The following ORC5 variants were observed in gnomAD, a reference collection of about 807,000 sequenced individuals.
ORC5 encodes origin recognition complex subunit 5.
A neutral mutation model predicts 58.8 loss-of-function variants in ORC5; 39 were observed. That is an observed-to-expected ratio of 0.66 (90% CI 0.51 to 0.87). ORC5 has a LOEUF of 0.87. Ranked by LOEUF, ORC5 falls within the 40% of genes least tolerant of loss-of-function variation. ORC5 has a pLI of 0.00. For missense variants in ORC5, 493 were observed against 506.3 expected, an observed-to-expected ratio of 0.97 and a Z score of 0.25; for synonymous variants, 218 against 177.6, an observed-to-expected ratio of 1.23 and a Z score of -1.81.
chr7:104,206,579 G>A (rs1038281845), intron 1 of ORC5, among the ~76,000 whole-genome samples: 4 of 152,154 alleles, frequency 2.6e-5, no homozygotes, highest in African/African-American at 9.7e-5. Context: ...ATTAATTGAA[G>A]ATGCAGTTGT....
rs908120821 is a variant in ORC5 at position 104,138,286 on chromosome 7, G to A, written c.1150-1393C>T. ...TGTTTCATTACTCAGACACATGACCGCTAAACCTTTAAAAGCTGCAAATAA... is the reference window on the plus strand; with the variant it reads ...TGTTTCATTACTCAGACACATGACCACTAAACCTTTAAAAGCTGCAAATAA... On this transcript the variant is annotated intron_variant, in intron 12 of 13. Coordinates refer to ENST00000297431, the MANE Select transcript of ORC5 (RefSeq NM_002553.4). This position sits in a 1 kb window ranked among gnomAD's most constrained non-coding sequence, Gnocchi z 4.7. 1.3e-5 allele frequency among the ~76,000 whole-genome samples: 2 copies of A among 152,200 alleles called. No individual in the cohort carries two copies. Among genetic ancestry groups the A allele is most frequent in the Non-Finnish European group, 2.9e-5 (2 of 68,012 alleles).
chr7:104,181,007 A>C (rs1438876847), intron 8 of ORC5, among the ~76,000 whole-genome samples: 1 of 152,228 alleles, frequency 6.6e-6, no homozygotes, highest in Non-Finnish European at 1.5e-5. Flanking sequence ...AAGTACTCTT[A>C]AATACAAGTT....
intron 12 of ORC5, among the ~76,000 whole-genome samples, chr7:104,144,149 G>C (rs1798718174): frequency 6.6e-6 from 1 of 151,856 alleles, no homozygotes; most frequent in Admixed American, 6.6e-5. Context: ...AAAAAGGAGT[G>C]AACAAATGTA....
rs569423567 is a variant in ORC5 at position 104,133,802 on chromosome 7, A to T, written c.1262+2979T>A. ...AAAAACAACCAAAGAATAAAGAGGA[A>T]AACCAGAATACTGTGGAATCATGTC... On this transcript the variant is annotated intron_variant, in intron 13 of 13. Coordinates refer to ENST00000297431, the MANE Select transcript of ORC5 (RefSeq NM_002553.4). The surrounding 1 kb of genome is among the most constrained non-coding windows in gnomAD (Gnocchi z 4.7). Among the ~76,000 whole-genome samples, 8 of 152,264 alleles carry T rather than the reference A, an allele frequency of 5.3e-5. No individual in the cohort carries two copies. The East Asian group carries it at 1.5e-3, about 29-fold the overall frequency.
At chr7:104,144,713 T>C (rs1168445238) in intron 12 of ORC5, among the ~76,000 whole-genome samples, 1 of 152,220 alleles carries the variant, frequency 6.6e-6, no homozygotes, top group Admixed American at 6.5e-5. Context: ...GCTGAGATCG[T>C]GCCACTGTAC....
At chr7:104,151,777 A>G (rs556992100) in intron 12 of ORC5, among the ~76,000 whole-genome samples, 15 of 152,216 alleles carry the variant, frequency 9.9e-5, no homozygotes, top group Non-Finnish European at 1.9e-4. Flanking sequence ...CAACATACAC[A>G]GAGCACTAGC....
Position 104,207,833 on chromosome 7 carries a change from C to G in ORC5, c.72G>C (p.Glu24Asp). ...QVSILQSLFG[E>D]RHHFSFPSIF... is the part of the protein sequence containing the mutation. The stretch of plus-strand genomic sequence containing the variant: ...CTGGAAGACAGTTTAACTACAATAC[C>G]TCTCCAAACAAGGACTGCAAGATGG... Residue 24 changes from glutamate (E) to aspartate (D), a missense_variant and splice_region_variant, in exon 1 of 14, where the codon GAG (glutamate) becomes GAC (aspartate). By Grantham distance (45) the Glu-to-Asp change is conservative. This residue lies in a region of ORC5 where 412 missense variants were observed against 403.7 expected (regional missense o/e 1.02). Transcript: ENST00000297431. 1.2e-6 allele frequency: 2 copies of G among 1,613,572 alleles called. No homozygotes were observed. Among genetic ancestry groups the G allele is most frequent in the Non-Finnish European group, 1.7e-6 (2 of 1,179,474 alleles).
At chr7:104,167,350 C>T (rs1273395302) in intron 9 of ORC5, among the ~76,000 whole-genome samples, 1 of 152,124 alleles carries the variant, frequency 6.6e-6, no homozygotes, top group Non-Finnish European at 1.5e-5. Flanking sequence ...TTGTATATGC[C>T]AGTTGAACAT....
intron 8 of ORC5, among the ~76,000 whole-genome samples, chr7:104,171,386 A>G (rs1475131404): frequency 6.6e-6 from 1 of 152,208 alleles, no homozygotes; most frequent in Non-Finnish European, 1.5e-5. Flanking sequence ...TGCAGGGGTA[A>G]GGTTGCGGAA....
chr7:104,207,844 A>C lies in ORC5; in HGVS notation c.61T>G (p.Leu21Val). The C allele has an allele frequency of 6.2e-7, 1 of 1,614,106 alleles. No individual in the cohort carries two copies. Among genetic ancestry groups the C allele is most frequent in the Non-Finnish European group, 8.5e-7 (1 of 1,179,942 alleles). Reference sequence around the variant, plus strand: ...TTTAACTACAATACCTCTCCAAACAAGGACTGCAAGATGGACACTTGAGAC... The same window carrying C: ...TTTAACTACAATACCTCTCCAAACACGGACTGCAAGATGGACACTTGAGAC... ...RESQVSILQS[L>V]FGERHHFSFP... is the part of the protein sequence containing the mutation. Residue 21 changes from leucine (L) to valine (V), a missense_variant, in exon 1 of 14, where the codon TTG becomes GTG. Coordinates refer to ENST00000297431, the MANE Select transcript of ORC5 (RefSeq NM_002553.4).
intron 12 of ORC5, among the ~76,000 whole-genome samples, chr7:104,154,672 G>A (rs1437703125): frequency 1.3e-5 from 2 of 151,650 alleles, no homozygotes; most frequent in Non-Finnish European, 3.0e-5. Context: ...AGCAGAGAAA[G>A]ATAAATTTAA....
chr7:104,128,180 T>C (rs1255438563), intron 13 of ORC5, among the ~76,000 whole-genome samples: 3 of 152,182 alleles, frequency 2.0e-5, no homozygotes, highest in Admixed American at 6.5e-5. Flanking sequence ...TGGAGTGCAA[T>C]AGCATGATCT....
At chr7:104,131,577 C>G (rs1284409287) in intron 13 of ORC5, among the ~76,000 whole-genome samples, 1 of 152,194 alleles carries the variant, frequency 6.6e-6, no homozygotes, top group Non-Finnish European at 1.5e-5. Flanking sequence ...CTTGGCCAGA[C>G]ACAGTGGCTG....
chr7:104,153,727 A>T (rs1798880734), intron 12 of ORC5, among the ~76,000 whole-genome samples: 1 of 152,162 alleles, frequency 6.6e-6, no homozygotes, highest in Non-Finnish European at 1.5e-5. Flanking sequence ...CCTTTTAGTC[A>T]CCAAGTTTAA....
chr7:104,158,483 A>T (rs891579140), intron 12 of ORC5, among the ~76,000 whole-genome samples: 2 of 151,904 alleles, frequency 1.3e-5, no homozygotes, highest in African/African-American at 4.9e-5. Context: ...AATGGGATCT[A>T]ATTAAACTAA....
chr7:104,177,307 G>T (rs1255907552), intron 8 of ORC5, among the ~76,000 whole-genome samples: 3 of 152,128 alleles, frequency 2.0e-5, no homozygotes, highest in Admixed American at 2.0e-4. Flanking sequence ...ACATAAGTTT[G>T]TTCTTGGCTT....
Position 104,197,725 on chromosome 7 carries a change from C to T in ORC5, c.441G>A (p.Leu147=). Residue 147 remains leucine (L), a splice_region_variant and synonymous_variant, in exon 4 of 14, where the codon TTG becomes TTA. Transcript: ENST00000297431. The part of the protein sequence containing the change: ...LLPGFLRLQE[L]ADRNVTVLFL... ...GAAAGCACTTTCTCACATTACTTAC[C>T]AATTCTTGTAATCTAAGAAATCCAG... 1 of 1,590,212 alleles carries T rather than the reference C, an allele frequency of 6.3e-7. No homozygotes were observed.
At chr7:104,167,895 T>C (rs939428179) in intron 9 of ORC5, 2 of 152,178 alleles carry the variant, frequency 1.3e-5, no homozygotes, top group Non-Finnish European at 2.9e-5. Context: ...CTGGAACACA[T>C]AAAAACCAAA....
At chr7:104,161,318 AACTCTAAGTTAAAAGTTTAACTGAT>A in intron 11 of ORC5, 136 bp from the exon 12 acceptor site, 1 of 562,068 alleles carries the variant, frequency 1.8e-6, no homozygotes, top group East Asian at 3.1e-5. Context: ...CTAACCTGCA[AACTCTAAGTTAAAAGTTTAACTGAT>A]ATGATCATGA....
Sources: gnomAD v4.1 joint callset for allele counts (sites outside exome capture counted in the v4.1 genomes callset) on GRCh38, gnomAD v4.1.1 for gene constraint, gnomAD v4.1.1 regional missense constraint, Gnocchi (gnomAD v3.1) non-coding constraint, MANE v1.5 for transcripts, NCBI Gene and HGNC (gene_info 2026-07-23, HGNC 2026-07-21) for gene names.